IQCJ: variants seen among roughly 807,000 people sequenced by gnomAD.
IQCJ encodes the protein IQ motif containing J, also known as IQ domain-containing protein J.
Under a neutral mutation model 11.0 loss-of-function variants are expected in IQCJ, and 9 were observed. The observed-to-expected ratio is 0.82, with a 90% CI of 0.49 to 1.43. IQCJ has a LOEUF of 1.43. Ranked by LOEUF, IQCJ falls within the 40% of genes most tolerant of loss-of-function variation. The pLI, the probability that IQCJ is intolerant of heterozygous loss-of-function variation, is 0.00. For missense variants in IQCJ, 146 were observed against 133.2 expected (o/e 1.10, Z -0.47); for synonymous variants, 55 against 51.3 (o/e 1.07, Z -0.31).
At chr3:159,077,871 GT>G (rs899427040) in intron 1 of IQCJ, among the ~76,000 whole-genome samples, 2 of 151,930 alleles carry the variant, frequency 1.3e-5, no homozygotes, top group Non-Finnish European at 2.9e-5. Context: ...CCATATATTA[GT>G]TTTTTTAAAA....
chr3:159,070,958 C>A (rs1335074022), intron 1 of IQCJ, among the ~76,000 whole-genome samples: 2 of 151,908 alleles, frequency 1.3e-5, no homozygotes, highest in African/African-American at 4.8e-5. Context: ...ATAAAAGCAA[C>A]AATTGCATTG....
At chr3:159,101,138 GCGTC>G (rs1717870785) in intron 1 of IQCJ, among the ~76,000 whole-genome samples, 1 of 142,764 alleles carries the variant, frequency 7.0e-6, no homozygotes, top group African/African-American at 2.6e-5. Flanking sequence ...TTTTCCAGGT[GCGTC>G]CGTCACCCCT....
chr3:159,132,089 CT>C (rs1459438866), intron 1 of IQCJ, among the ~76,000 whole-genome samples: 3 of 152,120 alleles, frequency 2.0e-5, no homozygotes, highest in Non-Finnish European at 4.4e-5. Flanking sequence ...TATTTTTGTA[CT>C]AAATGCTAAA....
chr3:159,100,201 C>A (rs1274553385), intron 1 of IQCJ, among the ~76,000 whole-genome samples: 1 of 8,706 alleles, frequency 1.1e-4, no homozygotes, highest in Non-Finnish European at 2.1e-4. Context: ...AGTTCTCGAG[C>A]CTTGGTTTTC....
Position 159,238,360 on chromosome 3 carries a change from A to T in IQCJ, c.10-7483A>T, listed in dbSNP as rs151134572. ...CCAAAATTATGAGCCTCTCAGACAC[A>T]GGGAAGAATGGAGAAGAGTAAAGAC... On this transcript the variant is annotated intron_variant, in intron 1 of 3. Coordinates refer to ENST00000397832, the MANE Select transcript of IQCJ (RefSeq NM_001042706.3). Among the ~76,000 whole-genome samples the T allele has an allele frequency of 2.2e-3, 335 of 152,342 alleles. 2 individuals carry two copies. The highest frequency in any genetic ancestry group is 3.0e-3 in the Non-Finnish European group (203 of 68,028).
At chr3:159,073,376 T>A (rs530726364) in intron 1 of IQCJ, among the ~76,000 whole-genome samples, 1 of 152,178 alleles carries the variant, frequency 6.6e-6, no homozygotes, top group East Asian at 1.9e-4. Context: ...ACAAAATGTA[T>A]CATAGGAACT....
intron 1 of IQCJ, among the ~76,000 whole-genome samples, chr3:159,141,411 G>C (rs1379062134): frequency 6.6e-6 from 1 of 152,166 alleles, no homozygotes; most frequent in East Asian, 1.9e-4. Flanking sequence ...ACTCAGATTT[G>C]TGGGAAGCCA....
chr3:159,174,016 A>T (rs1024851786), intron 1 of IQCJ, among the ~76,000 whole-genome samples: 1 of 152,126 alleles, frequency 6.6e-6, no homozygotes, highest in Non-Finnish European at 1.5e-5. Flanking sequence ...ATGATCTGAG[A>T]GTTTCTCAGT....
chr3:159,121,171 T>C (rs1460543975), intron 1 of IQCJ, among the ~76,000 whole-genome samples: 1 of 151,364 alleles, frequency 6.6e-6, no homozygotes, highest in African/African-American at 2.4e-5. Context: ...TCTTGCACTG[T>C]TGCCCAGGCT....
intron 1 of IQCJ, among the ~76,000 whole-genome samples, chr3:159,243,946 T>C (rs1336130328): frequency 6.6e-6 from 1 of 152,216 alleles, no homozygotes; most frequent in African/African-American, 2.4e-5. Context: ...GATTAGCTCA[T>C]TGATTGACTA....
chr3:159,217,251 T>G (rs1725287009), intron 1 of IQCJ, among the ~76,000 whole-genome samples: 1 of 152,182 alleles, frequency 6.6e-6, no homozygotes, highest in African/African-American at 2.4e-5. Flanking sequence ...TTGAAAACCT[T>G]TGTAGAAATT....
chr3:159,145,481 A>AT (rs1005546638), intron 1 of IQCJ, among the ~76,000 whole-genome samples: 76 of 147,202 alleles, frequency 5.2e-4, no homozygotes, highest in African/African-American at 1.6e-3. Context: ...ATTTCCAGAG[A>AT]TTTTTTTTTC....
chr3:159,150,187 A>G (rs1208207358), intron 1 of IQCJ, among the ~76,000 whole-genome samples: 1 of 152,168 alleles, frequency 6.6e-6, no homozygotes, highest in Admixed American at 6.5e-5. Flanking sequence ...GTCTCTTGGA[A>G]AGTGATTCCA....
chr3:159,124,909 C>T (rs1204295376), intron 1 of IQCJ, among the ~76,000 whole-genome samples: 1 of 152,142 alleles, frequency 6.6e-6, no homozygotes, highest in East Asian at 1.9e-4. Flanking sequence ...AAGTGCTTTA[C>T]ATTGATTACC....
chr3:159,203,426 C>T (rs1200077214), intron 1 of IQCJ, among the ~76,000 whole-genome samples: 1 of 151,596 alleles, frequency 6.6e-6, no homozygotes. Context: ...TTAGTGTGTG[C>T]TCCTTCTGTG....
At chr3:159,183,644 C>T (rs1723221339) in intron 1 of IQCJ, among the ~76,000 whole-genome samples, 1 of 152,198 alleles carries the variant, frequency 6.6e-6, no homozygotes, top group Non-Finnish European at 1.5e-5. Flanking sequence ...GATCATGTCT[C>T]AGTCCAATGC....
rs187791636 is a variant in IQCJ, at chr3:159,225,425, C to G, written c.10-20418C>G. ...TGGCTGTAAGGGGGGAGCAGAGGAG[C>G]CTTATGGTAATGGAACAGTTATGCA... is the stretch of plus-strand genomic sequence containing the variant. On this transcript the variant is annotated intron_variant, in intron 1 of 3. Coordinates refer to ENST00000397832, the MANE Select transcript of IQCJ (RefSeq NM_001042706.3). 2.3e-4 allele frequency among the ~76,000 whole-genome samples: 35 copies of G among 151,980 alleles called. No individual in the cohort carries two copies. The East Asian group carries it at 5.8e-3, about 25-fold the overall frequency.
Position 159,069,460 on chromosome 3 carries a change from T to C in IQCJ, c.9+19T>C, listed in dbSNP as rs777043998. The stretch of plus-strand genomic sequence containing the variant: ...GCGTCTGGTAATGTATTTGCTTTTC[T>C]AAACGTGCCACTTTGATGTGCATTA... On this transcript the variant is annotated intron_variant, in intron 1 of 3. Transcript: ENST00000397832. 2 of 1,608,264 alleles carry C rather than the reference T, an allele frequency of 1.2e-6. No homozygotes were observed. The highest frequency in any genetic ancestry group is 1.7e-6 in the Non-Finnish European group (2 of 1,177,810).
intron 1 of IQCJ, among the ~76,000 whole-genome samples, chr3:159,134,923 C>A (rs949596): frequency 6.6e-6 from 1 of 152,076 alleles, no homozygotes; most frequent in Non-Finnish European, 1.5e-5. Context: ...GTAAGAATTA[C>A]GGTAATTTTA....
Sources: allele counts gnomAD v4.1 joint callset (sites outside exome capture counted in the v4.1 genomes callset), GRCh38; gene constraint gnomAD v4.1.1; transcripts MANE v1.5; gene names NCBI Gene and HGNC (gene_info 2026-07-23, HGNC 2026-07-21).